SLC25A21: variants seen among roughly 807,000 people sequenced by gnomAD.
SLC25A21 encodes solute carrier family 25 member 21.
Under a neutral mutation model 43.8 loss-of-function variants are expected in SLC25A21, and 47 were observed. The observed-to-expected ratio is 1.07, with a 90% CI of 0.85 to 1.37. The LOEUF (loss-of-function observed/expected upper bound fraction) is 1.37. Among genes scored for constraint, SLC25A21 ranks in the 40% most tolerant of loss-of-function variants. SLC25A21 has a pLI of 0.00. For synonymous variants in SLC25A21, 131 were observed against 121.3 expected (o/e 1.08, Z -0.52); for missense variants, 352 against 350.2 (o/e 1.00, Z -0.04).
intron 1 of SLC25A21, among the ~76,000 whole-genome samples, chr14:37,048,698 T>G (rs1961641531): frequency 6.6e-6 from 1 of 152,188 alleles, no homozygotes; most frequent in South Asian, 2.1e-4. Context: ...CTAAACTCTC[T>G]GAGTCAGCTT....
At chr14:36,996,697 A>G (rs1433764554) in intron 1 of SLC25A21, among the ~76,000 whole-genome samples, 3 of 151,530 alleles carry the variant, frequency 2.0e-5, no homozygotes, top group Non-Finnish European at 2.9e-5. Flanking sequence ...ATAAATGGAG[A>G]AAAAAAAAGT....
At chr14:36,698,227 T>C (rs1469171513) in intron 7 of SLC25A21, among the ~76,000 whole-genome samples, 1 of 152,216 alleles carries the variant, frequency 6.6e-6, no homozygotes, top group Non-Finnish European at 1.5e-5. Flanking sequence ...TCTTTAAGAA[T>C]GTTGAATATT....
chr14:36,816,648 C>A (rs1412365357), intron 2 of SLC25A21, among the ~76,000 whole-genome samples: 1 of 151,938 alleles, frequency 6.6e-6, no homozygotes, highest in Admixed American at 6.6e-5. Flanking sequence ...TACAGGCATG[C>A]ACCATCATGC....
At chr14:36,715,064 A>C (rs1214122010) in intron 6 of SLC25A21, among the ~76,000 whole-genome samples, 1 of 152,196 alleles carries the variant, frequency 6.6e-6, no homozygotes, top group Non-Finnish European at 1.5e-5. Context: ...ATCTAATCCA[A>C]TGTTGTTCTT....
intron 3 of SLC25A21, among the ~76,000 whole-genome samples, chr14:36,765,199 CT>C (rs764175398): frequency 3.3e-5 from 5 of 152,186 alleles, no homozygotes; most frequent in Non-Finnish European, 7.3e-5. Flanking sequence ...CTGCCATGCT[CT>C]AAGAAGCCCA....
In SLC25A21 at chr14:37,049,500, G is replaced by T. The variant is rs187260512; in HGVS notation, c.70+122781C>A. 1.0e-3 allele frequency among the ~76,000 whole-genome samples: 154 copies of T among 152,142 alleles called. 2 individuals are homozygous for T. Among genetic ancestry groups the T allele is most frequent in the Non-Finnish European group, 2.1e-3 (144 of 67,972 alleles). On this transcript the variant is annotated intron_variant, in intron 1 of 9. Transcript: ENST00000331299. ...AGTGGGAGGATTACTTGAGCCCAGG[G>T]GGTCGAGGCTGCAGTGAGCTGTGAT... is the stretch of plus-strand genomic sequence containing the variant.
At chr14:36,700,490 G>A (rs1883231045) in intron 7 of SLC25A21, among the ~76,000 whole-genome samples, 1 of 152,092 alleles carries the variant, frequency 6.6e-6, no homozygotes. Context: ...GGCAGCTGTG[G>A]GTATACTCTG....
At chr14:36,690,040 A>T (rs985343176) in intron 7 of SLC25A21, among the ~76,000 whole-genome samples, 1 of 152,164 alleles carries the variant, frequency 6.6e-6, no homozygotes, top group African/African-American at 2.4e-5. Flanking sequence ...AACCTATCCT[A>T]TCCTTAGCTC....
At chr14:37,047,095 T>G (rs572876129) in intron 1 of SLC25A21, among the ~76,000 whole-genome samples, 1 of 152,308 alleles carries the variant, frequency 6.6e-6, no homozygotes, top group African/African-American at 2.4e-5. Flanking sequence ...GAGTCTTCCT[T>G]CTGAGACTCC....
At chr14:36,985,386 T>A (rs1451152868) in intron 1 of SLC25A21, among the ~76,000 whole-genome samples, 1 of 151,138 alleles carries the variant, frequency 6.6e-6, no homozygotes, top group African/African-American at 2.4e-5. Flanking sequence ...GAACCATGGT[T>A]AAAAATAATA....
At chr14:36,919,608 AGAT>A (rs1891921044) in intron 1 of SLC25A21, among the ~76,000 whole-genome samples, 1 of 145,562 alleles carries the variant, frequency 6.9e-6, no homozygotes, top group African/African-American at 2.6e-5. Context: ...GAAAAATTCA[AGAT>A]TATCTATCTA....
chr14:37,032,739 T>A (rs1424498611), intron 1 of SLC25A21, among the ~76,000 whole-genome samples: 1 of 151,784 alleles, frequency 6.6e-6, no homozygotes, highest in Non-Finnish European at 1.5e-5. Context: ...TATAATTTAA[T>A]TATAATTGTC....
intron 1 of SLC25A21, among the ~76,000 whole-genome samples, chr14:36,922,350 T>A (rs754051569): frequency 6.6e-6 from 1 of 152,004 alleles, no homozygotes; most frequent in East Asian, 1.9e-4. Context: ...GCATTCCAAT[T>A]AGAAATTGGA....
chr14:37,041,771 G>A (rs918259596), intron 1 of SLC25A21, among the ~76,000 whole-genome samples: 1 of 152,174 alleles, frequency 6.6e-6, no homozygotes, highest in Non-Finnish European at 1.5e-5. Flanking sequence ...TGAACATGAT[G>A]TAGAATTTAG....
chr14:36,923,310 T>C (rs760724431), intron 1 of SLC25A21, among the ~76,000 whole-genome samples: 3 of 152,118 alleles, frequency 2.0e-5, no homozygotes, highest in Non-Finnish European at 4.4e-5. Flanking sequence ...CATGTTCAAA[T>C]ACTGATAAAA....
chr14:36,875,275 C>T (rs712385), intron 1 of SLC25A21, among the ~76,000 whole-genome samples: 56,102 of 151,864 alleles, frequency 0.37, 10,628 homozygotes, highest in East Asian at 0.43. Flanking sequence ...AATAATCAGA[C>T]GTGCTAATTC....
intron 7 of SLC25A21, among the ~76,000 whole-genome samples, chr14:36,699,448 A>C (rs1883182433): frequency 6.6e-6 from 1 of 152,208 alleles, no homozygotes; most frequent in Non-Finnish European, 1.5e-5. Context: ...TCAGAGCTCA[A>C]ACGCCATGCT....
chr14:37,088,338 T>C (rs1239584661), intron 1 of SLC25A21, among the ~76,000 whole-genome samples: 1 of 152,206 alleles, frequency 6.6e-6, no homozygotes, highest in Non-Finnish European at 1.5e-5. Context: ...GACACCTAAT[T>C]ATACAAAGTA....
intron 1 of SLC25A21, among the ~76,000 whole-genome samples, chr14:37,075,353 T>G (rs1962258543): frequency 6.6e-6 from 1 of 152,230 alleles, no homozygotes; most frequent in Non-Finnish European, 1.5e-5. Context: ...CAGATTGCTT[T>G]ATTTTTCCCC....
Sources: allele counts gnomAD v4.1 joint callset (sites outside exome capture counted in the v4.1 genomes callset), GRCh38; gene constraint gnomAD v4.1.1; transcripts MANE v1.5; gene names NCBI Gene and HGNC (gene_info 2026-07-23, HGNC 2026-07-21).